The following STXBP4 variants were observed in gnomAD, a reference collection of about 807,000 sequenced individuals.
STXBP4 encodes syntaxin-binding protein 4.
Under a neutral mutation model 76.1 loss-of-function variants are expected in STXBP4, and 55 were observed. The ratio of observed to expected loss-of-function variants is 0.72; its 90% CI spans 0.58 to 0.91. STXBP4 has a LOEUF of 0.91. Ranked by LOEUF, STXBP4 falls within the 40% of genes least tolerant of loss-of-function variation. STXBP4 has a pLI of 0.00. For synonymous variants in STXBP4, 201 were observed against 220.2 expected, an observed-to-expected ratio of 0.91 and a Z score of 0.77; for missense variants, 618 against 636.9, an observed-to-expected ratio of 0.97 and a Z score of 0.32.
At chr17:55,036,397 C>G (rs1269351842) in intron 10 of STXBP4, among the ~76,000 whole-genome samples, 1 of 128,644 alleles carries the variant, frequency 7.8e-6, no homozygotes, top group Non-Finnish European at 1.8e-5. Flanking sequence ...TTTTAATAAT[C>G]TAGTCACCTT....
At chr17:55,073,179 G>A (rs2079143171) in intron 13 of STXBP4, 103 bp downstream of exon 13, 15 of 1,055,644 alleles carry the variant, frequency 1.4e-5, no homozygotes, top group Non-Finnish European at 2.0e-5. Context: ...CTAGGTCAGT[G>A]TTTGTCTTCT....
intron 16 of STXBP4, among the ~76,000 whole-genome samples, chr17:55,090,933 G>A (rs911190733): frequency 1.3e-5 from 2 of 151,462 alleles, no homozygotes; most frequent in African/African-American, 4.9e-5. Flanking sequence ...CCCTGCATCA[G>A]AAACAATATG....
chr17:55,154,753 C>A (rs1283179660), intron 17 of STXBP4, among the ~76,000 whole-genome samples: 1 of 151,982 alleles, frequency 6.6e-6, no homozygotes, highest in Non-Finnish European at 1.5e-5. Flanking sequence ...ATTTTCTTTT[C>A]AGTGTTTATC....
At chr17:54,992,897 G>A (rs1238722061) in intron 4 of STXBP4, among the ~76,000 whole-genome samples, 3 of 151,864 alleles carry the variant, frequency 2.0e-5, no homozygotes, top group Non-Finnish European at 4.4e-5. Flanking sequence ...ATTTTTAGTA[G>A]AGACAGAGTT....
chr17:55,090,851 GTGTC>G lies in STXBP4; in HGVS notation c.1489+9672_1489+9675del, dbSNP rs1195191070. ...CATTTTAAATTGTGTGTGTGTGTGT[GTGTC>G]TGTGTGTGTGTGTGTGTGTGTGTGT... On this transcript the variant is annotated intron_variant, in intron 16 of 17. Coordinates refer to ENST00000376352, the MANE Select transcript of STXBP4 (RefSeq NM_178509.6). Among the ~76,000 whole-genome samples the G allele has an allele frequency of 4.2e-4, 3 of 7,060 alleles. No individual in the cohort carries two copies. In the African/African-American group the frequency reaches 5.3e-3, roughly 12 times the overall value. 4.6% of individuals were successfully genotyped at this position (7,060 alleles called of 152,430 possible).
chr17:55,042,360 G>A (rs2144738238), intron 10 of STXBP4, among the ~76,000 whole-genome samples: 1 of 152,144 alleles, frequency 6.6e-6, no homozygotes, highest in South Asian at 2.1e-4. Flanking sequence ...ACAGTCTTTA[G>A]CAATGCATCT....
At chr17:55,046,588 C>A (rs1044056900) in intron 11 of STXBP4, among the ~76,000 whole-genome samples, 4 of 151,776 alleles carry the variant, frequency 2.6e-5, no homozygotes, top group African/African-American at 9.7e-5. Flanking sequence ...TAATATTAAT[C>A]TTAATAACTA....
At chr17:55,018,255 T>C (rs937497744) in intron 8 of STXBP4, among the ~76,000 whole-genome samples, 3 of 152,148 alleles carry the variant, frequency 2.0e-5, no homozygotes, top group Non-Finnish European at 4.4e-5. Context: ...ATGGCAAGCC[T>C]TTAGCCCGAT....
intron 4 of STXBP4, among the ~76,000 whole-genome samples, chr17:54,997,978 G>A (rs2077844165): frequency 1.3e-5 from 2 of 151,892 alleles, no homozygotes; most frequent in Admixed American, 1.3e-4. Flanking sequence ...TATGCATCTA[G>A]ATTATATAAT....
chr17:54,973,197 C>G (rs1276347710), intron 1 of STXBP4, among the ~76,000 whole-genome samples: 1 of 152,142 alleles, frequency 6.6e-6, no homozygotes, highest in Admixed American at 6.5e-5. Flanking sequence ...CTTGTCCAAG[C>G]CTAATCGGTT....
chr17:55,102,275 C>G (rs1598314208), intron 16 of STXBP4, among the ~76,000 whole-genome samples: 3 of 152,088 alleles, frequency 2.0e-5, no homozygotes, highest in Admixed American at 2.0e-4. Flanking sequence ...ATCCCTCCCC[C>G]AGCCCTCCAC....
chr17:55,005,960 T>G (rs558786617), intron 7 of STXBP4, among the ~76,000 whole-genome samples: 7 of 152,138 alleles, frequency 4.6e-5, no homozygotes, highest in Non-Finnish European at 8.8e-5. Flanking sequence ...TATATGTGTA[T>G]GTGTGTATAT....
intron 12 of STXBP4, among the ~76,000 whole-genome samples, chr17:55,052,891 A>G (rs1312784101): frequency 6.9e-6 from 1 of 144,178 alleles, no homozygotes; most frequent in Non-Finnish European, 1.5e-5. Flanking sequence ...TGTTTAAAAA[A>G]AAAAAAAAAA....
At chr17:55,209,216 G>A in the STXBP4 span, among the ~76,000 whole-genome samples, 13 of 152,180 alleles carry the variant, frequency 8.5e-5, no homozygotes, top group Admixed American at 8.5e-4. Context: ...TTGACGGACA[G>A]ATAGTGACTG....
At chr17:54,999,943 G>A in intron 6 of STXBP4, 101 bp downstream of exon 6, 1 of 848,416 alleles carries the variant, frequency 1.2e-6, no homozygotes, top group Non-Finnish European at 1.8e-6. Flanking sequence ...CAGTAAAATT[G>A]TTAACAAATT....
intron 13 of STXBP4, among the ~76,000 whole-genome samples, chr17:55,074,292 C>T (rs976744413): frequency 6.6e-6 from 1 of 152,176 alleles, no homozygotes; most frequent in Non-Finnish European, 1.5e-5. Flanking sequence ...ACATTATTCA[C>T]TTAAACCAAT....
chr17:55,100,378 CCGTGT>C (rs2079549744), intron 16 of STXBP4, among the ~76,000 whole-genome samples: 1 of 152,128 alleles, frequency 6.6e-6, no homozygotes, highest in Non-Finnish European at 1.5e-5. Flanking sequence ...GTTAACACTA[CCGTGT>C]ACAATTACTT....
chr17:55,054,765 A>G (rs2078903650), intron 12 of STXBP4, among the ~76,000 whole-genome samples: 1 of 152,142 alleles, frequency 6.6e-6, no homozygotes, highest in Non-Finnish European at 1.5e-5. Flanking sequence ...AAATAATAGA[A>G]GAAAAAATAT....
intron 10 of STXBP4, among the ~76,000 whole-genome samples, chr17:55,041,077 T>G (rs2078690496): frequency 6.6e-6 from 1 of 152,090 alleles, no homozygotes. Context: ...CTGTGACTAT[T>G]TTGCCTCTCA....
Sources: gnomAD v4.1 joint callset for allele counts (sites outside exome capture counted in the v4.1 genomes callset) on GRCh38, gnomAD v4.1.1 for gene constraint, MANE v1.5 for transcripts, NCBI Gene and HGNC (gene_info 2026-07-23, HGNC 2026-07-21) for gene names.